The following DHRS7B variants were observed in gnomAD, a reference collection of about 807,000 sequenced individuals.
DHRS7B encodes the protein peroxisomal reductase activating PPAR-gamma.
A neutral mutation model predicts 26.4 loss-of-function variants in DHRS7B; 24 were observed. That is an observed-to-expected ratio of 0.91 (90% confidence interval 0.66 to 1.28). The LOEUF is 1.28. Ranked by LOEUF, DHRS7B falls within the 50% of genes most tolerant of loss-of-function variation. DHRS7B has a pLI of 0.00. For synonymous variants in DHRS7B, 142 were observed against 166.4 expected (o/e 0.85, Z 1.13); for missense variants, 368 against 419.4 (o/e 0.88, Z 1.07).
In DHRS7B at chr17:21,136,185, T is replaced by G. The variant is rs530458057; in HGVS notation, c.20+9194T>G. Among the ~76,000 whole-genome samples, 8 of 151,884 alleles carry G rather than the reference T, an allele frequency of 5.3e-5. 2 individuals carry two copies. In the South Asian group the frequency reaches 1.7e-3, roughly 32 times the overall value. On this transcript the variant is annotated intron_variant, in intron 1 of 6. Coordinates refer to ENST00000395511, the MANE Select transcript of DHRS7B (RefSeq NM_015510.5). Reference sequence around the variant, plus strand: ...GGTGTGGTGGTGCACACCTGTAATCTCAGCTACTCGAGAGGCTGAGGCAGG... The same window carrying G: ...GGTGTGGTGGTGCACACCTGTAATCGCAGCTACTCGAGAGGCTGAGGCAGG...
At position 21,183,811 on chromosome 17, in the gene DHRS7B, G is replaced by C; in HGVS notation, c.526+1G>C. 6.2e-7 allele frequency: 1 copy of C among 1,613,458 alleles called. No individual in the cohort carries two copies. The highest frequency in any genetic ancestry group is 8.5e-7 in the Non-Finnish European group (1 of 1,179,358). On this transcript the variant is annotated splice_donor_variant, in intron 4 of 6. Coordinates refer to ENST00000395511, the MANE Select transcript of DHRS7B (RefSeq NM_015510.5). LOFTEE classifies it high-confidence loss of function. ...TTTGGCCCAGTTGCTCTAACGAAAGGTAACAGTCTTGAGAAAAGAGCAGTG... is the reference window on the plus strand; with the variant it reads ...TTTGGCCCAGTTGCTCTAACGAAAGCTAACAGTCTTGAGAAAAGAGCAGTG...
Position 21,165,827 on chromosome 17 carries a change from A to C in DHRS7B, c.21-6191A>C, listed in dbSNP as rs1331089301. ...GCTACGCGGGAGGCTGAGGCAGAAG[A>C]ATTACTTGAACCCAGGAGGTGGAGG... On this transcript the variant is annotated intron_variant, in intron 1 of 6. Coordinates refer to ENST00000395511, the MANE Select transcript of DHRS7B (RefSeq NM_015510.5). 2.7e-5 allele frequency among the ~76,000 whole-genome samples: 4 copies of C among 150,498 alleles called. No individual in the cohort carries two copies. The Admixed American group carries it at 2.7e-4, about 10-fold the overall frequency.
chr17:21,149,067 GAA>G (rs1319498971), intron 1 of DHRS7B, among the ~76,000 whole-genome samples: 2 of 151,962 alleles, frequency 1.3e-5, no homozygotes, highest in African/African-American at 4.8e-5. Context: ...AGAGCAGCAA[GAA>G]AAAAGAAGCA....
At chr17:21,127,349 G>T (rs974333754) in intron 1 of DHRS7B, 1 of 260,414 alleles carries the variant, frequency 3.8e-6, no homozygotes, top group Non-Finnish European at 7.3e-6. Flanking sequence ...TCTGCGCGAC[G>T]TAGGGGAGGC....
At chr17:21,153,527 C>T (rs1379271915) in intron 1 of DHRS7B, among the ~76,000 whole-genome samples, 3 of 152,104 alleles carry the variant, frequency 2.0e-5, no homozygotes, top group Non-Finnish European at 4.4e-5. Flanking sequence ...GACACCAAAT[C>T]GCAGAACAAG....
intron 1 of DHRS7B, among the ~76,000 whole-genome samples, chr17:21,134,655 A>G (rs1973304600): frequency 6.6e-6 from 1 of 152,230 alleles, no homozygotes; most frequent in African/African-American, 2.4e-5. Flanking sequence ...CTACAAATGA[A>G]AACACAGTCT....
At chr17:21,175,110 G>T (rs1243170838) in intron 2 of DHRS7B, among the ~76,000 whole-genome samples, 2 of 152,212 alleles carry the variant, frequency 1.3e-5, no homozygotes, top group Non-Finnish European at 2.9e-5. Context: ...TCGGGTGTAT[G>T]GAGAGGCGCC....
At chr17:21,138,091 T>C (rs1197254295) in intron 1 of DHRS7B, among the ~76,000 whole-genome samples, 989 of 53,252 alleles carry the variant, frequency 0.019, 18 homozygotes, top group African/African-American at 0.065. Context: ...TATATATATA[T>C]ATATATATAT....
chr17:21,140,479 TACAC>T (rs4020775), intron 1 of DHRS7B, among the ~76,000 whole-genome samples: 6,925 of 83,460 alleles, frequency 0.083, 179 homozygotes, highest in South Asian at 0.1. Context: ...GCCTTTTAAA[TACAC>T]ACACACACAC....
chr17:21,158,648 C>G (rs1973930261), intron 1 of DHRS7B, among the ~76,000 whole-genome samples: 1 of 152,054 alleles, frequency 6.6e-6, no homozygotes, highest in African/African-American at 2.4e-5. Context: ...CAATGCAATC[C>G]CAATCCAAAT....
At chr17:21,177,471 C>T (rs1026344179) in intron 2 of DHRS7B, among the ~76,000 whole-genome samples, 3 of 152,180 alleles carry the variant, frequency 2.0e-5, no homozygotes, top group Admixed American at 6.5e-5. Context: ...AAGTCCGCAT[C>T]GATTGTTACC....
intron 1 of DHRS7B, among the ~76,000 whole-genome samples, chr17:21,167,689 C>G (rs1197010505): frequency 6.6e-6 from 1 of 152,140 alleles, no homozygotes; most frequent in Non-Finnish European, 1.5e-5. Context: ...CAGACTCTGT[C>G]CCTTCTTTCT....
Position 21,166,054 on chromosome 17 carries a change from C to T in DHRS7B, c.21-5964C>T, listed in dbSNP as rs140334204. 3 of 662,732 alleles carry T rather than the reference C, an allele frequency of 4.5e-6. No homozygotes were observed. The African/African-American group carries it at 5.9e-5, about 13-fold the overall frequency. 41.1% of individuals were successfully genotyped at this position (662,732 alleles called of 1,614,324 possible). On this transcript the variant is annotated intron_variant, in intron 1 of 6. Transcript: ENST00000395511. The stretch of plus-strand genomic sequence containing the variant: ...GACAGACTTGGCGCGGGCTCTGCCT[C>T]CTGTTCATTGTCACCGCACTCCTGT...
chr17:21,138,065 T>TAA (rs1567616007), intron 1 of DHRS7B, among the ~76,000 whole-genome samples: 3 of 10,228 alleles, frequency 2.9e-4, no homozygotes, highest in African/African-American at 1.3e-3. Context: ...CCGGCCTCTT[T>TAA]TAAAAAAAAA....
At chr17:21,138,075 A>AAAAAAAATATATATAT (rs1238830544) in intron 1 of DHRS7B, among the ~76,000 whole-genome samples, 6 of 33,194 alleles carry the variant, frequency 1.8e-4, no homozygotes, top group African/African-American at 8.4e-4. Flanking sequence ...TTAAAAAAAA[A>AAAAAAAATATATATAT]ATATATATAT....
intron 2 of DHRS7B, among the ~76,000 whole-genome samples, chr17:21,174,060 T>G (rs556127760): frequency 1.3e-5 from 2 of 152,264 alleles, no homozygotes; most frequent in South Asian, 4.2e-4. Flanking sequence ...CCATTTAACT[T>G]TTTGGGAACA....
In DHRS7B at chr17:21,152,574, A is replaced by G. The variant is rs139069689; in HGVS notation, c.21-19444A>G. Among the ~76,000 whole-genome samples, 524 of 152,330 alleles carry G rather than the reference A, an allele frequency of 3.4e-3. 5 individuals are homozygous for G. The highest frequency in any genetic ancestry group is 0.012 in the African/African-American group (490 of 41,570). On this transcript the variant is annotated intron_variant, in intron 1 of 6. Coordinates refer to ENST00000395511, the MANE Select transcript of DHRS7B (RefSeq NM_015510.5). Reference sequence around the variant, plus strand: ...AAGTTTTACCTCCAAGAGTTCTACCAGCCCCTCACAATGAATATTGGAGAG... The same window carrying G: ...AAGTTTTACCTCCAAGAGTTCTACCGGCCCCTCACAATGAATATTGGAGAG...
chr17:21,172,157 G>C lies in DHRS7B; in HGVS notation c.160G>C (p.Val54Leu). ...CGGGAAGGCCTACCTGCGGAATGCT[G>C]TGGTGGTGATCACAGGCGCCACCTC... is the stretch of plus-strand genomic sequence containing the variant. ...VRGKAYLRNA[V>L]VVITGATSGL... The change falls in exon 2 of 7, where the codon GTG (valine) becomes CTG (leucine). Residue 54 changes from valine (V) to leucine (L), a missense_variant. Transcript: ENST00000395511. 1 of 1,613,838 alleles carries C rather than the reference G, an allele frequency of 6.2e-7. No individual in the cohort carries two copies. The highest frequency in any genetic ancestry group is 8.5e-7 in the Non-Finnish European group (1 of 1,179,876).
chr17:21,171,052 G>GT (rs1194018665), intron 1 of DHRS7B, among the ~76,000 whole-genome samples: 1 of 152,142 alleles, frequency 6.6e-6, no homozygotes, highest in African/African-American at 2.4e-5. Flanking sequence ...TGGACTCGGG[G>GT]GGGGCCTTTT....
Sources: gnomAD v4.1 joint callset for allele counts (sites outside exome capture counted in the v4.1 genomes callset) on GRCh38, gnomAD v4.1.1 for gene constraint, MANE v1.5 for transcripts, NCBI Gene and HGNC (gene_info 2026-07-23, HGNC 2026-07-21) for gene names.